CDON: variants seen among roughly 807,000 people sequenced by gnomAD.
CDON encodes cell adhesion associated, oncogene regulated.
CDON carries 73 observed loss-of-function variants against 120.9 expected under a neutral mutation model. That is an observed-to-expected ratio of 0.60 (90% CI 0.50 to 0.73). The LOEUF (loss-of-function observed/expected upper bound fraction) is 0.73. Among genes scored for constraint, CDON ranks in the 30% least tolerant of loss-of-function variants. CDON has a pLI of 0.00. For missense variants in CDON, 1,470 were observed against 1,587.3 expected, an observed-to-expected ratio of 0.93 and a Z score of 1.26; for synonymous variants, 566 against 573.5, an observed-to-expected ratio of 0.99 and a Z score of 0.19.
chr11:125,974,813 C>T (rs1946108766), intron 18 of CDON, among the ~76,000 whole-genome samples: 1 of 152,140 alleles, frequency 6.6e-6, no homozygotes, highest in Admixed American at 6.5e-5. Flanking sequence ...AATTTATCAC[C>T]TTTTTATGAT....
intron 9 of CDON, 115 bp downstream of exon 9, chr11:126,005,644 C>T: frequency 1.9e-5 from 18 of 969,172 alleles, no homozygotes; most frequent in Non-Finnish European, 2.8e-5. Context: ...ACTCATCAGT[C>T]TGGAAGACTC....
At chr11:126,026,234 C>T (rs183495785) in intron 1 of CDON, among the ~76,000 whole-genome samples, 166 of 152,310 alleles carry the variant, frequency 1.1e-3, no homozygotes, top group Admixed American at 2.3e-3. Context: ...CTTATTCATT[C>T]ATATGTATAA....
At chr11:125,987,510 G>A (rs561649695) in intron 15 of CDON, among the ~76,000 whole-genome samples, 1 of 152,284 alleles carries the variant, frequency 6.6e-6, no homozygotes, top group South Asian at 2.1e-4. Flanking sequence ...ATGTAATTAC[G>A]TAAAAGTCAT....
At chr11:126,031,488 T>C (rs1947943988) in intron 1 of CDON, among the ~76,000 whole-genome samples, 1 of 152,250 alleles carries the variant, frequency 6.6e-6, no homozygotes, top group African/African-American at 2.4e-5. Context: ...CCACAGTTTT[T>C]AGACTTTACA....
At chr11:126,019,348 C>T (rs1181497286) in intron 4 of CDON, among the ~76,000 whole-genome samples, 1 of 152,064 alleles carries the variant, frequency 6.6e-6, no homozygotes, top group Non-Finnish European at 1.5e-5. Context: ...ATAAAGGGGC[C>T]AGAGAGCACC....
chr11:126,005,333 A>C (rs938456703), intron 9 of CDON: 8 of 158,514 alleles, frequency 5.0e-5, no homozygotes, highest in South Asian at 3.4e-4. Flanking sequence ...CAAACAAACA[A>C]AAAAAAACTT....
In CDON at chr11:125,989,764, A is replaced by T; in HGVS notation, c.2651-5T>A. On this transcript the variant is annotated splice_polypyrimidine_tract_variant and splice_region_variant and intron_variant, in intron 14 of 19. Transcript: ENST00000531738. ...TCATGTGCCACTGCTTTGAACCTAA[A>T]AGGAAAAATAAAAGGCTTTACACAT... The T allele has an allele frequency of 1.2e-6, 2 of 1,611,806 alleles. No homozygotes were observed. Among genetic ancestry groups the T allele is most frequent in the Non-Finnish European group, 1.7e-6 (2 of 1,178,584 alleles).
At chr11:126,001,388 C>G (rs1247692389) in intron 11 of CDON, among the ~76,000 whole-genome samples, 1 of 151,994 alleles carries the variant, frequency 6.6e-6, no homozygotes, top group Non-Finnish European at 1.5e-5. Context: ...CAGGGTCTCC[C>G]CCTCTGTTGC....
At position 125,981,204 on chromosome 11, in the gene CDON, C is replaced by T. The variant is rs748037394; in HGVS notation, c.3121G>A (p.Gly1041Ser). 6 of 1,614,162 alleles carry T rather than the reference C, an allele frequency of 3.7e-6. No homozygotes were observed. The highest frequency in any genetic ancestry group is 1.1e-5 in the South Asian group (1 of 91,088). ...NVHGGFLTNG[G>S]LSSGYSHLHH... is the part of the protein sequence containing the mutation. ...AGGTGGGAATAGCCACTGCTGAGACCGCCATTGGTTAGGAAGCCTCCGTGA... is the reference window on the plus strand; with the variant it reads ...AGGTGGGAATAGCCACTGCTGAGACTGCCATTGGTTAGGAAGCCTCCGTGA... The change falls in exon 17 of 20, where the codon GGT (glycine) becomes AGT (serine). Residue 1041 changes from glycine to serine, a missense_variant. Coordinates refer to ENST00000531738, the MANE Select transcript of CDON (RefSeq NM_001378964.1).
rs1032088755 is a variant in CDON, at chr11:125,964,988, G to A, written c.3357-2990C>T. 2.0e-5 allele frequency among the ~76,000 whole-genome samples: 3 copies of A among 152,238 alleles called. No individual in the cohort carries two copies. In the East Asian group the frequency reaches 5.8e-4, roughly 29 times the overall value. ...GTTGCCCAGGCTGGAGTGCAATGGA[G>A]TGATCTCAGTTCACTGCAACCTCCG... On this transcript the variant is annotated intron_variant, in intron 18 of 19. Transcript: ENST00000531738.
rs1293915017 is a variant in CDON, at chr11:125,961,883, G to A, written c.3472C>T (p.Pro1158Ser). The A allele has an allele frequency of 3.1e-6, 5 of 1,614,062 alleles. No individual in the cohort carries two copies. The highest frequency in any genetic ancestry group is 1.1e-5 in the South Asian group (1 of 91,086). The change falls in exon 19 of 20, where the codon CCT becomes TCT. Residue 1158 changes from proline to serine, a missense_variant. Physicochemically the swap from Pro to Ser is moderately conservative, Grantham distance 74 (BLOSUM62 -1). Transcript: ENST00000531738. ...EMKPLSHVKV[P>S]VCLTSAVPDC... ...GGGACTGCGGAAGTCAGGCATACAG[G>A]CACCTTCACGTGACTGAGGGGCTTC... is the stretch of plus-strand genomic sequence containing the variant.
intron 1 of CDON, among the ~76,000 whole-genome samples, chr11:126,031,771 T>C (rs1290024865): frequency 1.3e-5 from 2 of 152,216 alleles, no homozygotes; most frequent in Non-Finnish European, 2.9e-5. Flanking sequence ...GAATGCGAGG[T>C]AACTACGAGC....
chr11:126,029,546 T>C (rs917768585), intron 1 of CDON, among the ~76,000 whole-genome samples: 1 of 121,998 alleles, frequency 8.2e-6, no homozygotes, highest in Non-Finnish European at 1.7e-5. Flanking sequence ...GCTTTTCTTG[T>C]CCATGTAACA....
In CDON at chr11:126,011,606, A is replaced by G. The variant is rs560148399; in HGVS notation, c.1199-912T>C. Among the ~76,000 whole-genome samples, 4 of 152,304 alleles carry G rather than the reference A, an allele frequency of 2.6e-5. No individual in the cohort carries two copies. The South Asian group carries it at 8.3e-4, about 32-fold the overall frequency. On this transcript the variant is annotated intron_variant, in intron 7 of 19. Coordinates refer to ENST00000531738, the MANE Select transcript of CDON (RefSeq NM_001378964.1). ...TCTGCAGTGATTCGGAGTTCTCTGT[A>G]TATACTAGATTCTGTTCTTTTGTTT...
intron 19 of CDON, 51 bp downstream of exon 19, chr11:125,961,673 T>C: frequency 6.2e-7 from 1 of 1,613,020 alleles, no homozygotes. Context: ...ACACAGCTCT[T>C]AGCTAACTGA....
chr11:125,981,427 C>CACGCATGCACACATGCACAT (rs759499150), intron 16 of CDON, 98 bp from the exon 17 acceptor site: 3 of 998,028 alleles, frequency 3.0e-6, no homozygotes, highest in African/African-American at 3.5e-5. Flanking sequence ...CATACGCACA[C>CACGCATGCACACATGCACAT]ACGCACACAC....
At position 125,956,935 on chromosome 11, in the gene CDON, C is replaced by T. The variant is rs1945502699; in HGVS notation, c.*4007G>A. ...TTATTTAAATATGGGAAATAAAATA[C>T]AAAAGGGCCACACCCGATGCAAAAG... is the stretch of plus-strand genomic sequence containing the variant. On this transcript the variant is annotated 3_prime_UTR_variant, in exon 20 of 20. Transcript: ENST00000531738. The T allele has an allele frequency of 1.2e-6, 1 of 847,394 alleles. No homozygotes were observed. Among genetic ancestry groups the T allele is most frequent in the Non-Finnish European group, 1.4e-6 (1 of 704,102 alleles). The allele number at this position is 847,394 out of a possible 1,614,324, so 52.5% of individuals were successfully genotyped here.
chr11:126,060,119 TTACA>T (rs1349599353), intron 1 of CDON, among the ~76,000 whole-genome samples: 2 of 152,156 alleles, frequency 1.3e-5, no homozygotes, highest in Non-Finnish European at 2.9e-5. Flanking sequence ...CATGGAATGA[TTACA>T]TACAATATAA....
chr11:126,047,671 T>C (rs1591429677), intron 1 of CDON, among the ~76,000 whole-genome samples: 3 of 152,286 alleles, frequency 2.0e-5, no homozygotes, highest in South Asian at 2.1e-4. Flanking sequence ...CATAGCCCCA[T>C]GGACCACCAT....
Sources: allele counts gnomAD v4.1 joint callset (sites outside exome capture counted in the v4.1 genomes callset), GRCh38; gene constraint gnomAD v4.1.1; transcripts MANE v1.5; gene names NCBI Gene and HGNC (gene_info 2026-07-23, HGNC 2026-07-21).